The following EPS8 variants were observed in gnomAD, a reference collection of about 807,000 sequenced individuals.
The protein encoded by EPS8 is epidermal growth factor receptor kinase substrate 8.
Under a neutral mutation model 103.8 loss-of-function variants are expected in EPS8, and 42 were observed. The ratio of observed to expected loss-of-function variants is 0.40; its 90% CI spans 0.32 to 0.52. The LOEUF (loss-of-function observed/expected upper bound fraction) is 0.52, where lower values mean the gene tolerates loss of function less well. EPS8 is among the 20% of genes least tolerant of loss of function. The pLI is 0.40. For missense variants in EPS8, 969 were observed against 1,005.1 expected (o/e 0.96, Z 0.49); for synonymous variants, 344 against 344.6 (o/e 1.00, Z 0.02).
At chr12:15,663,976 T>TAAAC (rs35142421) in intron 8 of EPS8, among the ~76,000 whole-genome samples, 1 of 104,452 alleles carries the variant, frequency 9.6e-6, no homozygotes, top group Non-Finnish European at 1.8e-5. Context: ...TATATATATA[T>TAAAC]ACACACACAC....
At chr12:15,788,032 T>A (rs2136063474) in intron 1 of EPS8, 1 of 152,308 alleles carries the variant, frequency 6.6e-6, no homozygotes, top group Non-Finnish European at 1.5e-5. Context: ...TGGAGTCCTT[T>A]CAATGAAAAT....
chr12:15,786,189 C>T (rs1376620181), intron 1 of EPS8, among the ~76,000 whole-genome samples: 1 of 151,998 alleles, frequency 6.6e-6, no homozygotes, highest in Non-Finnish European at 1.5e-5. Context: ...ATGAGTATCA[C>T]AGTGACAAAT....
chr12:15,733,315 C>G lies in EPS8; in HGVS notation c.-21-50343G>C, dbSNP rs151221505. 1.3e-4 allele frequency among the ~76,000 whole-genome samples: 20 copies of G among 152,192 alleles called. No homozygotes were observed. The highest frequency in any genetic ancestry group is 4.8e-4 in the African/African-American group (20 of 41,538). On this transcript the variant is annotated intron_variant, in intron 1 of 20. Transcript: ENST00000281172. The surrounding 1 kb of genome is among the most constrained non-coding windows in gnomAD (Gnocchi z 4.8). ...AGTGTGTGAAGGAGGAACTGTCAAA[C>G]ACTTAATAAAACCATCAGATCTCAT...
chr12:15,626,323 C>T (rs1267162210), intron 18 of EPS8, among the ~76,000 whole-genome samples: 1 of 152,106 alleles, frequency 6.6e-6, no homozygotes, highest in African/African-American at 2.4e-5. Context: ...CTCAGTATAA[C>T]AACTAAGTGA....
intron 10 of EPS8, among the ~76,000 whole-genome samples, chr12:15,659,995 A>G (rs911555122): frequency 1.3e-5 from 2 of 152,210 alleles, no homozygotes; most frequent in African/African-American, 4.8e-5. Context: ...GAATAGAGCT[A>G]TGTCTTTCTT....
Position 15,647,139 on chromosome 12 carries a change from C to T in EPS8, c.1556G>A (p.Arg519His), listed in dbSNP as rs746864913. 3.7e-5 allele frequency: 59 copies of T among 1,613,210 alleles called. 2 individuals carry two copies. The East Asian group carries it at 1.1e-3, about 31-fold the overall frequency. Residue 519 changes from arginine (R) to histidine (H), a missense_variant, in exon 15 of 21, where the codon CGC becomes CAC. Physicochemically the swap from Arg to His is conservative, Grantham distance 29. Coordinates refer to ENST00000281172, the MANE Select transcript of EPS8 (RefSeq NM_004447.6). ...AAVAFKPTSN[R>H]HIDRNYEPLK... ...CATTAAATGTTACCTATCTATATGG[C>T]GATTAGAAGTTGGCTTAAAAGCAAC...
In EPS8 at chr12:15,621,422, A is replaced by T; in HGVS notation, c.2364T>A (p.Ser788Arg). 6.3e-7 allele frequency: 1 copy of T among 1,587,816 alleles called. No homozygotes were observed. Among genetic ancestry groups the T allele is most frequent in the Admixed American group, 1.7e-5 (1 of 58,182 alleles). ...TVQKAALEDS[S>R]GSSELQEIMR... ...TAATTTCTTGTAACTCGGAGCTGCC[A>T]CTGCTATCCTGAAAGATAAACAGTT... The change falls in exon 21 of 21, where the codon AGT becomes AGA. Residue 788 changes from serine (S) to arginine (R), a missense_variant. Ser to Arg is a moderately radical substitution (Grantham distance 110). Transcript: ENST00000281172.
chr12:15,718,373 A>T (rs1014168059), intron 1 of EPS8, among the ~76,000 whole-genome samples: 4 of 152,240 alleles, frequency 2.6e-5, no homozygotes, highest in Non-Finnish European at 4.4e-5. Flanking sequence ...CTAATGACGA[A>T]TAAGGAAAAA....
chr12:15,772,631 A>T lies in EPS8; in HGVS notation c.-22+16530T>A, dbSNP rs560850851. 6.6e-6 allele frequency among the ~76,000 whole-genome samples: 1 copy of T among 152,334 alleles called. No homozygotes were observed. On this transcript the variant is annotated intron_variant, in intron 1 of 20. Transcript: ENST00000281172. This position sits in a 1 kb window ranked among gnomAD's most constrained non-coding sequence, Gnocchi z 5.0. ...TAGAACTTACTTGAGAGTTTCACTT[A>T]GGAAGAATTTTGGATACCTATTCCA...
chr12:15,681,328 A>AATG (rs1946002494), intron 2 of EPS8, 26 bp from the exon 3 acceptor site: 1 of 991,312 alleles, frequency 1.0e-6, no homozygotes, highest in Non-Finnish European at 1.4e-6. Context: ...TAATAATAAT[A>AATG]ATAATAATAT....
intron 12 of EPS8, 56 bp downstream of exon 12, chr12:15,658,023 C>G: frequency 9.4e-7 from 1 of 1,064,576 alleles, no homozygotes; most frequent in South Asian, 1.3e-5. Context: ...CAGACAGACA[C>G]TTGGGGTTAA....
intron 1 of EPS8, among the ~76,000 whole-genome samples, chr12:15,744,608 A>G (rs1946857336): frequency 6.6e-6 from 1 of 152,188 alleles, no homozygotes; most frequent in Non-Finnish European, 1.5e-5. Flanking sequence ...GGTAAGTTGT[A>G]ATACTTTCCT....
Position 15,665,909 on chromosome 12 carries a change from C to T in EPS8, c.600-17G>A. Reference sequence around the variant, plus strand: ...GAAATCATCCTTAAAAAGATGAAAACAAATAGAATTTTTACCATCTCTATT... The same window carrying T: ...GAAATCATCCTTAAAAAGATGAAAATAAATAGAATTTTTACCATCTCTATT... On this transcript the variant is annotated splice_polypyrimidine_tract_variant and intron_variant, in intron 7 of 20. Transcript: ENST00000281172. 1 of 1,611,740 alleles carries T rather than the reference C, an allele frequency of 6.2e-7. No homozygotes were observed. Among genetic ancestry groups the T allele is most frequent in the Non-Finnish European group, 8.5e-7 (1 of 1,179,000 alleles).
chr12:15,659,723 A>G (rs1216017720), intron 10 of EPS8, among the ~76,000 whole-genome samples: 1 of 152,194 alleles, frequency 6.6e-6, no homozygotes, highest in African/African-American at 2.4e-5. Context: ...ATATCTTTCA[A>G]TCTCTACCAT....
In EPS8 at chr12:15,700,294, C is replaced by T. The variant is rs575507107; in HGVS notation, c.-21-17322G>A. Among the ~76,000 whole-genome samples the T allele has an allele frequency of 6.6e-6, 1 of 152,270 alleles. No individual in the cohort carries two copies. The highest frequency in any genetic ancestry group is 2.1e-4 in the South Asian group (1 of 4,818). ...ACCACTCTAACGTATTCTTTTCTAT[C>T]TTCTAAACAATTCTGAGGTGTGGCA... On this transcript the variant is annotated intron_variant, in intron 1 of 20. Coordinates refer to ENST00000281172, the MANE Select transcript of EPS8 (RefSeq NM_004447.6). This position sits in a 1 kb window ranked among gnomAD's most constrained non-coding sequence, Gnocchi z 5.1.
intron 1 of EPS8, among the ~76,000 whole-genome samples, chr12:15,723,635 A>G (rs1946622653): frequency 1.3e-5 from 2 of 152,174 alleles, no homozygotes; most frequent in African/African-American, 2.4e-5. Flanking sequence ...CTACACTTCA[A>G]AAAAGGTTAT....
intron 7 of EPS8, 37 bp downstream of exon 7, chr12:15,666,403 A>G: frequency 3.3e-6 from 5 of 1,502,452 alleles, no homozygotes; most frequent in Non-Finnish European, 4.6e-6. Context: ...TTAGAAACAA[A>G]TCAATTCCAC....
In EPS8 at chr12:15,682,883, T is replaced by G; in HGVS notation, c.59+10A>C. 7.1e-7 allele frequency: 1 copy of G among 1,407,504 alleles called. No individual in the cohort carries two copies. The highest frequency in any genetic ancestry group is 9.9e-7 in the Non-Finnish European group (1 of 1,005,842). The allele number at this position is 1,407,504 out of a possible 1,614,324, so 87.2% of individuals were successfully genotyped here. A position where few individuals can be genotyped will look rare whatever the true frequency, so the allele number is the denominator to read the frequency against. The stretch of plus-strand genomic sequence containing the variant: ...CCCAAAACATATTAAATATAAACTT[T>G]TCAACTTACTTCATCTGAGATGGGT... On this transcript the variant is annotated intron_variant, in intron 2 of 20. Transcript: ENST00000281172.
chr12:15,754,414 TGAAATACAGGGG>T (rs1946964247), intron 1 of EPS8, among the ~76,000 whole-genome samples: 1 of 152,118 alleles, frequency 6.6e-6, no homozygotes, highest in African/African-American at 2.4e-5. Context: ...ATTTTAAATT[TGAAATACAGGGG>T]GAAAAACAAG....
Sources: allele counts gnomAD v4.1 joint callset (sites outside exome capture counted in the v4.1 genomes callset), GRCh38; gene constraint gnomAD v4.1.1; non-coding constraint Gnocchi (gnomAD v3.1); transcripts MANE v1.5; gene names NCBI Gene and HGNC (gene_info 2026-07-23, HGNC 2026-07-21).